NAPB: variants seen among roughly 807,000 people sequenced by gnomAD.
The protein encoded by NAPB is beta-soluble NSF attachment protein.
Under a neutral mutation model 44.7 loss-of-function variants are expected in NAPB, and 26 were observed. That is an observed-to-expected ratio of 0.58 (90% confidence interval 0.43 to 0.81). The LOEUF (loss-of-function observed/expected upper bound fraction) is 0.81. Among genes scored for constraint, NAPB ranks in the 30% least tolerant of loss-of-function variants. The pLI, the probability that NAPB is intolerant of heterozygous loss-of-function variation, is 0.00. For synonymous variants in NAPB, 120 were observed against 116.8 expected, an observed-to-expected ratio of 1.03 and a Z score of -0.18; for missense variants, 315 against 356.4, an observed-to-expected ratio of 0.88 and a Z score of 0.94.
chr20:23,384,552 G>A (rs969451398), intron 7 of NAPB, among the ~76,000 whole-genome samples: 1 of 151,944 alleles, frequency 6.6e-6, no homozygotes, highest in Admixed American at 6.6e-5. Flanking sequence ...AGGTTGGGAG[G>A]TGGAGGCTGC....
intron 7 of NAPB, among the ~76,000 whole-genome samples, chr20:23,382,997 A>T (rs1011642835): frequency 7.2e-5 from 11 of 152,102 alleles, no homozygotes; most frequent in Non-Finnish European, 1.6e-4. Flanking sequence ...TGTACTAAAA[A>T]TACAAAAATT....
intron 1 of NAPB, among the ~76,000 whole-genome samples, chr20:23,420,671 G>GCC (rs1986336903): frequency 6.6e-6 from 1 of 152,132 alleles, no homozygotes; most frequent in South Asian, 2.1e-4. Context: ...TGAGAAGGGG[G>GCC]CCCCACGCGC....
intron 1 of NAPB, among the ~76,000 whole-genome samples, chr20:23,416,427 T>C (rs1256847535): frequency 6.6e-6 from 1 of 152,082 alleles, no homozygotes; most frequent in Non-Finnish European, 1.5e-5. Flanking sequence ...ATTCAATCCT[T>C]AACAATCGTG....
chr20:23,380,463 G>C (rs996129874), intron 8 of NAPB, among the ~76,000 whole-genome samples: 1 of 151,708 alleles, frequency 6.6e-6, no homozygotes. Context: ...CTGTTGTTTT[G>C]GTTGTTTTTT....
At position 23,395,275 on chromosome 20, in the gene NAPB, C is replaced by T. The variant is rs986304876; in HGVS notation, c.296-90G>A. 9 of 1,366,286 alleles carry T rather than the reference C, an allele frequency of 6.6e-6. No homozygotes were observed. The East Asian group carries it at 9.7e-5, about 15-fold the overall frequency. The allele number at this position is 1,366,286 out of a possible 1,614,324, so 84.6% of individuals were successfully genotyped here. On this transcript the variant is annotated intron_variant, in intron 3 of 10. Transcript: ENST00000377026. ...GCTGTCTTCCTGGCTGTTATCAGAACGTTAATGAGGTATAATTTTGGAGTG... is the reference window on the plus strand; with the variant it reads ...GCTGTCTTCCTGGCTGTTATCAGAATGTTAATGAGGTATAATTTTGGAGTG...
chr20:23,400,338 G>A (rs1179375171), intron 2 of NAPB, among the ~76,000 whole-genome samples: 1 of 152,120 alleles, frequency 6.6e-6, no homozygotes, highest in East Asian at 1.9e-4. Flanking sequence ...CCAACATGGA[G>A]AAACCCCATC....
rs920434785 is a variant in NAPB at position 23,395,273 on chromosome 20, A to C, written c.296-88T>G. ...AGGCTGTCTTCCTGGCTGTTATCAG[A>C]ACGTTAATGAGGTATAATTTTGGAG... is the stretch of plus-strand genomic sequence containing the variant. On this transcript the variant is annotated intron_variant, in intron 3 of 10. Transcript: ENST00000377026. 68 of 1,377,654 alleles carry C rather than the reference A, an allele frequency of 4.9e-5. No individual in the cohort carries two copies. The African/African-American group carries it at 8.5e-4, about 17-fold the overall frequency. 85.3% of individuals were successfully genotyped at this position (1,377,654 alleles called of 1,614,324 possible).
At chr20:23,407,876 C>A (rs1200142875) in intron 1 of NAPB, among the ~76,000 whole-genome samples, 1 of 152,184 alleles carries the variant, frequency 6.6e-6, no homozygotes, top group Non-Finnish European at 1.5e-5. Flanking sequence ...TTTCCCCCAT[C>A]CTGAATAATA....
At chr20:23,379,846 C>A in intron 9 of NAPB, 21 bp downstream of exon 9, 2 of 1,583,312 alleles carry the variant, frequency 1.3e-6, no homozygotes, top group South Asian at 2.2e-5. Context: ...CATTTTTCTT[C>A]AAAGTTCTAA....
intron 7 of NAPB, among the ~76,000 whole-genome samples, chr20:23,385,154 C>T (rs1156637183): frequency 6.6e-6 from 1 of 151,872 alleles, no homozygotes. Flanking sequence ...GATCCAACTA[C>T]AAGAAACTCA....
intron 1 of NAPB, among the ~76,000 whole-genome samples, chr20:23,415,482 T>G (rs976618199): frequency 6.6e-6 from 1 of 151,838 alleles, no homozygotes; most frequent in African/African-American, 2.4e-5. Flanking sequence ...TAATCCAAGC[T>G]ACTCAGGAGA....
chr20:23,395,883 T>C (rs2088152064), intron 3 of NAPB, among the ~76,000 whole-genome samples: 1 of 152,204 alleles, frequency 6.6e-6, no homozygotes, highest in Admixed American at 6.5e-5. Context: ...GTTTATTACG[T>C]TTGGTTTAAA....
Position 23,388,172 on chromosome 20 carries a change from A to T in NAPB, c.561+1774T>A, listed in dbSNP as rs6083106. 7.9e-5 allele frequency among the ~76,000 whole-genome samples: 12 copies of T among 151,932 alleles called. No homozygotes were observed. The South Asian group carries it at 2.3e-3, about 29-fold the overall frequency. ...CCATTGGCTCTCCTGGGTCTTCAGA[A>T]TGCAGATCTTAGGCCTTCTCAGCCT... On this transcript the variant is annotated intron_variant, in intron 7 of 10. Coordinates refer to ENST00000377026, the MANE Select transcript of NAPB (RefSeq NM_022080.3).
At chr20:23,408,413 T>C (rs940865828) in intron 1 of NAPB, among the ~76,000 whole-genome samples, 4 of 152,196 alleles carry the variant, frequency 2.6e-5, no homozygotes, top group African/African-American at 9.7e-5. Flanking sequence ...TTTTTTAAGG[T>C]TTCCCATGTA....
At chr20:23,409,211 T>C (rs1985475858) in intron 1 of NAPB, among the ~76,000 whole-genome samples, 1 of 152,212 alleles carries the variant, frequency 6.6e-6, no homozygotes, top group Non-Finnish European at 1.5e-5. Context: ...TCAGTGGCCT[T>C]GAGCTTTTGG....
intron 1 of NAPB, among the ~76,000 whole-genome samples, chr20:23,418,781 C>CA (rs921452946): frequency 0.11 from 12,935 of 120,454 alleles, 716 homozygotes; most frequent in East Asian, 0.33. Flanking sequence ...ACTAAAAATA[C>CA]AAAAAAAAAA....
At chr20:23,414,147 C>T (rs1282307566) in intron 1 of NAPB, among the ~76,000 whole-genome samples, 1 of 152,016 alleles carries the variant, frequency 6.6e-6, no homozygotes, top group Non-Finnish European at 1.5e-5. Context: ...TATGGTGAAA[C>T]CCCATATCTA....
At chr20:23,410,164 T>G (rs1451902721) in intron 1 of NAPB, among the ~76,000 whole-genome samples, 1 of 152,208 alleles carries the variant, frequency 6.6e-6, no homozygotes, top group Admixed American at 6.5e-5. Context: ...AAATACGTTC[T>G]TGAAACAAAA....
chr20:23,402,246 G>A (rs1984906645), intron 2 of NAPB, among the ~76,000 whole-genome samples: 1 of 152,258 alleles, frequency 6.6e-6, no homozygotes, highest in South Asian at 2.1e-4. Flanking sequence ...CTGTGAGCCA[G>A]AGCACAACAC....
Sources: gnomAD v4.1 joint callset for allele counts (sites outside exome capture counted in the v4.1 genomes callset) on GRCh38, gnomAD v4.1.1 for gene constraint, MANE v1.5 for transcripts, NCBI Gene and HGNC (gene_info 2026-07-23, HGNC 2026-07-21) for gene names.